ZNHIT6: variants seen among roughly 807,000 people sequenced by gnomAD.
ZNHIT6 encodes the protein box C/D snoRNA protein 1.
In ZNHIT6, 45 loss-of-function variants were observed where a neutral mutation model predicts 57.2. That is an observed-to-expected ratio of 0.79 (90% CI 0.62 to 1.01). ZNHIT6 has a LOEUF of 1.01. Ranked by LOEUF, ZNHIT6 falls within the 50% of genes least tolerant of loss-of-function variation. The pLI is 0.00. For missense variants in ZNHIT6, 528 were observed against 567.3 expected (o/e 0.93, Z 0.70); for synonymous variants, 188 against 190.0 (o/e 0.99, Z 0.09).
At chr1:85,689,980 T>C (rs2100698876) in intron 5 of ZNHIT6, among the ~76,000 whole-genome samples, 1 of 152,286 alleles carries the variant, frequency 6.6e-6, no homozygotes, top group East Asian at 1.9e-4. Context: ...ATCTGTTTCA[T>C]ATTAACTGCG....
At position 85,651,122 on chromosome 1, in the gene ZNHIT6, T is replaced by G. The variant is rs977878102; in HGVS notation, c.*2936A>C. 2 of 152,212 alleles carry G rather than the reference T, an allele frequency of 1.3e-5. No homozygotes were observed. The highest frequency in any genetic ancestry group is 6.5e-5 in the Admixed American group (1 of 15,282). 9.4% of individuals were successfully genotyped at this position (152,212 alleles called of 1,614,324 possible). ...ATAAAGAAAATTGTTGGCATTATAG[T>G]TATGTGATTAACATTTTAATTATAT... On this transcript the variant is annotated 3_prime_UTR_variant, in exon 10 of 10. Transcript: ENST00000370574.
At chr1:85,664,993 G>A (rs1186664591) in intron 8 of ZNHIT6, among the ~76,000 whole-genome samples, 3 of 151,806 alleles carry the variant, frequency 2.0e-5, no homozygotes, top group African/African-American at 4.8e-5. Context: ...TGCCACACTC[G>A]GCTAATGTTT....
Position 85,708,264 on chromosome 1 carries a change from A to G in ZNHIT6, c.21T>C (p.Asn7=), listed in dbSNP as rs776355410. The G allele has an allele frequency of 2.5e-6, 4 of 1,600,816 alleles. No individual in the cohort carries two copies. The African/African-American group carries it at 4.0e-5, about 16-fold the overall frequency. Residue 7 remains asparagine, a synonymous_variant, in exon 1 of 10, where the codon AAT becomes AAC. Coordinates refer to ENST00000370574, the MANE Select transcript of ZNHIT6 (RefSeq NM_017953.4). Reference sequence around the variant, plus strand: ...GGAGACCTCCCCCAGACTTCCCTTCATTTTCAGCAGCAAACTCCATCAACT... The same window carrying G: ...GGAGACCTCCCCCAGACTTCCCTTCGTTTTCAGCAGCAAACTCCATCAACT... MEFAAE[N]EGKSGGGLHS...
intron 5 of ZNHIT6, among the ~76,000 whole-genome samples, chr1:85,696,956 G>A (rs1270679873): frequency 1.3e-5 from 2 of 150,474 alleles, no homozygotes; most frequent in African/African-American, 4.9e-5. Context: ...CGCCTCCCAG[G>A]TTCACGCCAT....
chr1:85,692,483 C>A (rs1470994733), intron 5 of ZNHIT6, among the ~76,000 whole-genome samples: 1 of 152,124 alleles, frequency 6.6e-6, no homozygotes, highest in Non-Finnish European at 1.5e-5. Flanking sequence ...TTCTGAAATT[C>A]TTCCATCAAA....
chr1:85,661,378 G>A (rs1661218865), intron 8 of ZNHIT6, among the ~76,000 whole-genome samples: 1 of 152,140 alleles, frequency 6.6e-6, no homozygotes, highest in African/African-American at 2.4e-5. Context: ...TACTGTGAGG[G>A]CTAAATGATA....
In ZNHIT6 at chr1:85,678,770, T is replaced by A; in HGVS notation, c.1100A>T (p.Asp367Val). 6.4e-7 allele frequency: 1 copy of A among 1,564,158 alleles called. No individual in the cohort carries two copies. The highest frequency in any genetic ancestry group is 2.3e-5 in the East Asian group (1 of 43,684). Residue 367 changes from aspartate (D) to valine (V), a missense_variant, in exon 7 of 10, where the codon GAT (aspartate) becomes GTT (valine). Physicochemically the swap from Asp to Val is radical, Grantham distance 152. Transcript: ENST00000370574. ...AEYIEKRVPD[D>V]KTINEILKPY... Reference sequence around the variant, plus strand: ...TTTTAGGATTTCATTAATAGTTTTATCATCTGGTACTCTTTACAACAAAGA... The same window carrying A: ...TTTTAGGATTTCATTAATAGTTTTAACATCTGGTACTCTTTACAACAAAGA...
At chr1:85,657,379 G>T (rs1016631090) in intron 9 of ZNHIT6, among the ~76,000 whole-genome samples, 3 of 147,902 alleles carry the variant, frequency 2.0e-5, no homozygotes, top group Non-Finnish European at 4.5e-5. Flanking sequence ...AATGTTCCTT[G>T]CAACATTTTC....
At chr1:85,677,739 G>A (rs994307125) in intron 7 of ZNHIT6, among the ~76,000 whole-genome samples, 9 of 152,154 alleles carry the variant, frequency 5.9e-5, no homozygotes, top group African/African-American at 2.2e-4. Context: ...GCAAAAGAAT[G>A]AGATTCAATT....
At chr1:85,701,842 A>G (rs1022109156) in intron 5 of ZNHIT6, among the ~76,000 whole-genome samples, 1 of 152,130 alleles carries the variant, frequency 6.6e-6, no homozygotes, top group Non-Finnish European at 1.5e-5. Flanking sequence ...TCAAACTCCA[A>G]CCCAGGCCTA....
At chr1:85,656,620 T>C (rs1430364681) in intron 9 of ZNHIT6, among the ~76,000 whole-genome samples, 1 of 152,104 alleles carries the variant, frequency 6.6e-6, no homozygotes, top group African/African-American at 2.4e-5. Flanking sequence ...ATACAAAGCT[T>C]AAACAAAGTG....
At chr1:85,683,336 G>A (rs572577799) in intron 5 of ZNHIT6, among the ~76,000 whole-genome samples, 1 of 152,178 alleles carries the variant, frequency 6.6e-6, no homozygotes, top group Non-Finnish European at 1.5e-5. Context: ...GGCTCACATG[G>A]TGAAACCCCG....
intron 6 of ZNHIT6, among the ~76,000 whole-genome samples, chr1:85,680,437 C>T (rs528973583): frequency 5.9e-5 from 9 of 152,248 alleles, no homozygotes; most frequent in Non-Finnish European, 1.3e-4. Flanking sequence ...AAACTTTCAG[C>T]CGTCTAATTC....
At chr1:85,700,085 T>A (rs192798676) in intron 5 of ZNHIT6, among the ~76,000 whole-genome samples, 2 of 152,304 alleles carry the variant, frequency 1.3e-5, no homozygotes, top group Admixed American at 1.3e-4. Flanking sequence ...AAAACATGAT[T>A]AGAAGGAAAT....
intron 8 of ZNHIT6, among the ~76,000 whole-genome samples, chr1:85,660,312 T>C (rs1002024954): frequency 6.6e-6 from 1 of 152,188 alleles, no homozygotes; most frequent in Non-Finnish European, 1.5e-5. Context: ...CTGTGCATTT[T>C]AGCTAAATCA....
chr1:85,706,621 G>A, intron 1 of ZNHIT6, 114 bp from the exon 2 acceptor site: 3 of 941,254 alleles, frequency 3.2e-6, no homozygotes, highest in Non-Finnish European at 3.0e-6. Context: ...TAAAATATTT[G>A]ATAGCTGTTG....
intron 8 of ZNHIT6, among the ~76,000 whole-genome samples, chr1:85,674,155 C>A (rs1339298163): frequency 6.6e-6 from 1 of 152,132 alleles, no homozygotes; most frequent in African/African-American, 2.4e-5. Context: ...ATAACCTTTT[C>A]CCCCTTCCTT....
intron 9 of ZNHIT6, 84 bp from the exon 10 acceptor site, chr1:85,654,182 G>T: frequency 8.4e-7 from 1 of 1,189,130 alleles, no homozygotes; most frequent in Non-Finnish European, 1.2e-6. Context: ...CCCTCCTTCT[G>T]ATGTACAGCA....
chr1:85,687,664 A>C lies in ZNHIT6; in HGVS notation c.1020-6760T>G, dbSNP rs1474786991. Reference sequence around the variant, plus strand: ...AGCCCTTGTTTATAGTTATTAAGAGAAGTATTTCCAACTACTTTTGAGAAT... The same window carrying C: ...AGCCCTTGTTTATAGTTATTAAGAGCAGTATTTCCAACTACTTTTGAGAAT... On this transcript the variant is annotated intron_variant, in intron 5 of 9. Transcript: ENST00000370574. Among the ~76,000 whole-genome samples the C allele has an allele frequency of 2.0e-5, 3 of 152,196 alleles. No individual in the cohort carries two copies. In the South Asian group the frequency reaches 6.2e-4, roughly 32 times the overall value.
Sources: allele counts gnomAD v4.1 joint callset (sites outside exome capture counted in the v4.1 genomes callset), GRCh38; gene constraint gnomAD v4.1.1; transcripts MANE v1.5; gene names NCBI Gene and HGNC (gene_info 2026-07-23, HGNC 2026-07-21).